CABIN1: variants seen among roughly 807,000 people sequenced by gnomAD.
CABIN1 encodes calcineurin-binding protein cabin-1.
CABIN1 carries 133 observed loss-of-function variants against 227.7 expected under a neutral mutation model. The observed-to-expected ratio is 0.58, with a 90% CI of 0.51 to 0.67. The LOEUF is 0.67. Ranked by LOEUF, CABIN1 falls within the 30% of genes least tolerant of loss-of-function variation. CABIN1 has a pLI of 0.00. For missense variants in CABIN1, 2,408 were observed against 2,852.5 expected (o/e 0.84, Z 3.55); for synonymous variants, 1,086 against 1,155.1 (o/e 0.94, Z 1.21).
chr22:24,067,201 C>T lies in CABIN1; in HGVS notation c.2232+20C>T, dbSNP rs1394858267. On this transcript the variant is annotated intron_variant, in intron 16 of 36. Coordinates refer to ENST00000263119, the MANE Select transcript of CABIN1 (RefSeq NM_012295.4). ...CTGCAGGTGTGTGCTGCCAGTGTCC[C>T]TCACACCCACTTGCACCTTCTCTCC... is the stretch of plus-strand genomic sequence containing the variant. 17 of 1,612,750 alleles carry T rather than the reference C, an allele frequency of 1.1e-5. No individual in the cohort carries two copies. In the Admixed American group the frequency reaches 2.0e-4, roughly 19 times the overall value.
At chr22:24,120,876 A>T (rs999887867) in intron 28 of CABIN1, among the ~76,000 whole-genome samples, 1 of 152,232 alleles carries the variant, frequency 6.6e-6, no homozygotes, top group East Asian at 1.9e-4. Context: ...TCATTTGAAC[A>T]ATACCACAGA....
intron 29 of CABIN1, among the ~76,000 whole-genome samples, chr22:24,155,385 A>C (rs769595505): frequency 6.6e-6 from 1 of 152,004 alleles, no homozygotes; most frequent in Non-Finnish European, 1.5e-5. Context: ...TGTTCTTGGA[A>C]TACTGAAACT....
At chr22:24,158,299 C>G (rs962551159) in intron 29 of CABIN1, among the ~76,000 whole-genome samples, 1 of 152,208 alleles carries the variant, frequency 6.6e-6, no homozygotes, top group Non-Finnish European at 1.5e-5. Flanking sequence ...TGGAGACCAG[C>G]CTGCTGCTGC....
intron 17 of CABIN1, 80 bp downstream of exon 17, chr22:24,071,122 G>A (rs2040055046): frequency 6.3e-7 from 1 of 1,587,172 alleles, no homozygotes; most frequent in Admixed American, 1.7e-5. Flanking sequence ...GTAGTTCATA[G>A]CTTTCATTGC....
intron 18 of CABIN1, among the ~76,000 whole-genome samples, chr22:24,074,060 GC>G: frequency 6.6e-6 from 1 of 151,694 alleles, no homozygotes; most frequent in East Asian, 1.9e-4. Flanking sequence ...TATCTTTAGA[GC>G]TCTTGATAAT....
rs77793774 is a variant in CABIN1 at position 24,076,470 on chromosome 22, G to C, written c.2748+186G>C. ...GTTACCGAAGCTTGTCAGAAAGTCT[G>C]ATAAGACTTTCTTGCCAGAAAGTTC... On this transcript the variant is annotated intron_variant, in intron 19 of 36. Transcript: ENST00000263119. Among the ~76,000 whole-genome samples the C allele has an allele frequency of 2.0e-5, 3 of 152,266 alleles. No homozygotes were observed. The East Asian group carries it at 5.8e-4, about 29-fold the overall frequency.
intron 33 of CABIN1, among the ~76,000 whole-genome samples, chr22:24,170,875 GC>G (rs2046770601): frequency 6.6e-6 from 1 of 151,418 alleles, no homozygotes; most frequent in African/African-American, 2.4e-5. Flanking sequence ...AGTACAGTCA[GC>G]CTGGTGCTGG....
At chr22:24,110,224 A>T (rs1427235434) in intron 26 of CABIN1, among the ~76,000 whole-genome samples, 1 of 152,160 alleles carries the variant, frequency 6.6e-6, no homozygotes, top group Non-Finnish European at 1.5e-5. Flanking sequence ...TTATAGTATC[A>T]TTTTTTTAAA....
chr22:24,113,049 A>G (rs1233053205), intron 26 of CABIN1, among the ~76,000 whole-genome samples: 4 of 152,240 alleles, frequency 2.6e-5, no homozygotes, highest in Non-Finnish European at 4.4e-5. Context: ...TGTGGCTCCC[A>G]GAGATCTAGA....
rs1555924900 is a variant in CABIN1 at position 24,064,517 on chromosome 22, T to TTTG, written c.2037+332_2037+333insGTT. 3.2e-3 allele frequency among the ~76,000 whole-genome samples: 470 copies of TTTG among 148,922 alleles called. 4 individuals carry two copies. Among genetic ancestry groups the TTTG allele is most frequent in the African/African-American group, 0.011 (441 of 40,152 alleles). On this transcript the variant is annotated intron_variant, in intron 15 of 36. Coordinates refer to ENST00000263119, the MANE Select transcript of CABIN1 (RefSeq NM_012295.4). ...CCACTGTGCCCAGCTGAAAGGTTTT[T>TTTG]TTTTTTTTTTTTTTTTTTATTGATC...
In CABIN1 at chr22:24,049,036, G is replaced by A. The variant is rs983093868; in HGVS notation, c.527-55G>A. On this transcript the variant is annotated intron_variant, in intron 6 of 36. Coordinates refer to ENST00000263119, the MANE Select transcript of CABIN1 (RefSeq NM_012295.4). ...GATTTTCCTGATGTTAACTGGCAAG[G>A]CCAGAGCTTCTGAGTGCGGTCTCAG... is the stretch of plus-strand genomic sequence containing the variant. The A allele has an allele frequency of 2.5e-6, 4 of 1,604,996 alleles. No homozygotes were observed. The African/African-American group carries it at 5.3e-5, about 21-fold the overall frequency.
intron 29 of CABIN1, among the ~76,000 whole-genome samples, chr22:24,145,046 A>G (rs2045018204): frequency 1.3e-5 from 2 of 152,254 alleles, no homozygotes; most frequent in Non-Finnish European, 2.9e-5. Context: ...TTCTGAGCAG[A>G]AGATGCAGCA....
At chr22:24,130,121 A>G (rs919479169) in intron 28 of CABIN1, among the ~76,000 whole-genome samples, 1 of 152,220 alleles carries the variant, frequency 6.6e-6, no homozygotes, top group Non-Finnish European at 1.5e-5. Context: ...GTCTATGTGC[A>G]CAAGCCTCAG....
intron 26 of CABIN1, among the ~76,000 whole-genome samples, chr22:24,101,399 C>T (rs986209677): frequency 6.6e-6 from 1 of 152,194 alleles, no homozygotes; most frequent in African/African-American, 2.4e-5. Context: ...CTTGTGTCAC[C>T]TGCATTAGGG....
chr22:24,036,103 C>T lies in CABIN1; in HGVS notation c.18C>T (p.Ala6=), dbSNP rs1224532310. The part of the protein sequence containing the change: MIRIA[A]LNASSTIEDD... ...CCTGTTTCTAGATTCGAATTGCAGC[C>T]TTAAATGCCAGCTCCACCATTGAGG... The change falls in exon 3 of 37, where the codon GCC becomes GCT. Residue 6 remains alanine, a synonymous_variant. Coordinates refer to ENST00000263119, the MANE Select transcript of CABIN1 (RefSeq NM_012295.4). 1 of 1,613,786 alleles carries T rather than the reference C, an allele frequency of 6.2e-7. No individual in the cohort carries two copies. Among genetic ancestry groups the T allele is most frequent in the East Asian group, 2.2e-5 (1 of 44,872 alleles).
Position 24,050,984 on chromosome 22 carries a change from C to CT in CABIN1, c.806+11dup. 1 of 1,614,098 alleles carries CT rather than the reference C, an allele frequency of 6.2e-7. No homozygotes were observed. Among genetic ancestry groups the CT allele is most frequent in the Non-Finnish European group, 8.5e-7 (1 of 1,180,026 alleles). The stretch of plus-strand genomic sequence containing the variant: ...CCATTCCTTTCTTCACGTAGGTTGT[C>CT]TAGCGTCTCTGGGAGTGCTGGGTCG... On this transcript the variant is annotated intron_variant, in intron 8 of 36. Coordinates refer to ENST00000263119, the MANE Select transcript of CABIN1 (RefSeq NM_012295.4).
intron 1 of CABIN1, among the ~76,000 whole-genome samples, chr22:24,019,906 C>CT (rs1473382717): frequency 5.9e-5 from 9 of 152,090 alleles, no homozygotes; most frequent in Admixed American, 2.0e-4. Context: ...ATCCACTCAC[C>CT]TCAGCCTCCC....
intron 8 of CABIN1, 62 bp downstream of exon 8, chr22:24,051,036 G>T: frequency 6.2e-7 from 1 of 1,602,914 alleles, no homozygotes; most frequent in Non-Finnish European, 8.5e-7. Flanking sequence ...GTGGGATGCT[G>T]CCCTGCACAG....
At chr22:24,116,515 G>C (rs1271766512) in intron 27 of CABIN1, among the ~76,000 whole-genome samples, 1 of 152,230 alleles carries the variant, frequency 6.6e-6, no homozygotes, top group African/African-American at 2.4e-5. Context: ...ACCTGCCAAT[G>C]CCCAGCTTCC....
Sources: gnomAD v4.1 joint callset for allele counts (sites outside exome capture counted in the v4.1 genomes callset) on GRCh38, gnomAD v4.1.1 for gene constraint, MANE v1.5 for transcripts, NCBI Gene and HGNC (gene_info 2026-07-23, HGNC 2026-07-21) for gene names.